The following GMPS variants were observed in gnomAD, a reference collection of about 807,000 sequenced individuals.
GMPS encodes guanosine monophosphate synthase, also known as GMP synthase [glutamine-hydrolyzing].
In GMPS, 15 loss-of-function variants were observed where a neutral mutation model predicts 77.9. The ratio of observed to expected loss-of-function variants is 0.19; its 90% CI spans 0.13 to 0.30. GMPS has a LOEUF of 0.30. Among genes scored for constraint, GMPS ranks in the 10% least tolerant of loss-of-function variants. The pLI is 1.00. For synonymous variants in GMPS, 224 were observed against 275.9 expected, an observed-to-expected ratio of 0.81 and a Z score of 1.86; for missense variants, 590 against 838.8, an observed-to-expected ratio of 0.70 and a Z score of 3.66.
At chr3:155,870,622 G>A (rs1364644284), upstream of GMPS, 2 of 455,664 alleles carry the variant, frequency 4.4e-6, no homozygotes, top group South Asian at 6.5e-5. Context: ...CCCAGTGGCC[G>A]GCCGGGGCGG....
At position 155,937,802 on chromosome 3, in the gene GMPS, A is replaced by G; in HGVS notation, c.*110A>G. 1.6e-6 allele frequency: 1 copy of G among 629,560 alleles called. No homozygotes were observed. Among genetic ancestry groups the G allele is most frequent in the Middle Eastern group, 2.5e-4 (1 of 3,924 alleles). The allele number at this position is 629,560 out of a possible 1,614,324, so 39.0% of individuals were successfully genotyped here. On this transcript the variant is annotated 3_prime_UTR_variant, in exon 16 of 16. Transcript: ENST00000496455. ...AGAGTTACTGGAGCAGCTACATCACATCTGAGTTCTCCACAGCAAAAATCT... is the reference window on the plus strand; with the variant it reads ...AGAGTTACTGGAGCAGCTACATCACGTCTGAGTTCTCCACAGCAAAAATCT...
chr3:155,933,297 G>A (rs1488434486), intron 13 of GMPS, among the ~76,000 whole-genome samples: 1 of 152,086 alleles, frequency 6.6e-6, no homozygotes, highest in Non-Finnish European at 1.5e-5. Context: ...CTGTTTGCCG[G>A]TTTTTTTCCT....
chr3:155,891,746 A>G (rs1430686255), intron 1 of GMPS, among the ~76,000 whole-genome samples: 1 of 151,248 alleles, frequency 6.6e-6, no homozygotes, highest in Non-Finnish European at 1.5e-5. Flanking sequence ...AGCTGGGATT[A>G]TAGGTGCCCA....
chr3:155,927,535 T>C (rs1161396864), intron 12 of GMPS, among the ~76,000 whole-genome samples: 1 of 152,186 alleles, frequency 6.6e-6, no homozygotes, highest in Non-Finnish European at 1.5e-5. Context: ...CAAAATAAAA[T>C]TTTCTTTTGT....
intron 1 of GMPS, among the ~76,000 whole-genome samples, chr3:155,887,630 C>G (rs1016273871): frequency 2.6e-5 from 4 of 152,034 alleles, no homozygotes; most frequent in Non-Finnish European, 4.4e-5. Context: ...ACCATAAACA[C>G]CTTGTTTTTG....
At chr3:155,890,870 T>G (rs893401811) in intron 1 of GMPS, among the ~76,000 whole-genome samples, 3 of 152,228 alleles carry the variant, frequency 2.0e-5, no homozygotes, top group African/African-American at 7.2e-5. Flanking sequence ...ATTATCACTT[T>G]TCATTTCTTT....
intron 1 of GMPS, 89 bp downstream of exon 1, chr3:155,870,986 C>G (rs1037528142): frequency 1.1e-5 from 13 of 1,228,750 alleles, no homozygotes; most frequent in East Asian, 9.5e-5. Flanking sequence ...TTCCCCACCC[C>G]CTTCCCCCAG....
chr3:155,902,404 C>G (rs1307488361), intron 3 of GMPS, among the ~76,000 whole-genome samples: 1 of 152,054 alleles, frequency 6.6e-6, no homozygotes, highest in Non-Finnish European at 1.5e-5. Context: ...GACCTGCAAG[C>G]AAAGAATGAT....
At chr3:155,883,221 G>T (rs985966872) in intron 1 of GMPS, among the ~76,000 whole-genome samples, 1 of 151,978 alleles carries the variant, frequency 6.6e-6, no homozygotes, top group African/African-American at 2.4e-5. Context: ...GTAGGTGTGC[G>T]CCACCACGCC....
At chr3:155,900,566 C>T (rs183234721) in intron 3 of GMPS, among the ~76,000 whole-genome samples, 20 of 152,092 alleles carry the variant, frequency 1.3e-4, no homozygotes, top group Non-Finnish European at 2.4e-4. Context: ...TAGTGAAATA[C>T]GTCTGAAAAA....
chr3:155,918,114 A>G (rs1178680896), intron 9 of GMPS, among the ~76,000 whole-genome samples: 1 of 151,772 alleles, frequency 6.6e-6, no homozygotes, highest in Non-Finnish European at 1.5e-5. Context: ...ACAATTTGTT[A>G]TTTTCTATTT....
intron 1 of GMPS, among the ~76,000 whole-genome samples, chr3:155,886,850 C>T (rs1031106430): frequency 3.3e-5 from 5 of 152,008 alleles, no homozygotes; most frequent in African/African-American, 1.2e-4. Flanking sequence ...TCCCTTGAAG[C>T]CTTGGGATGT....
At position 155,942,850 on chromosome 3, in the gene GMPS, A is replaced by T. The variant is rs1755926305; in HGVS notation, c.*5158A>T. On this transcript the variant is annotated 3_prime_UTR_variant, in exon 16 of 16. Transcript: ENST00000496455. ...ACATAAATCCTGTCATTTGGGTATT[A>T]TTCTTTAGAGAACTAGAGATTACCT... 4.7e-6 allele frequency: 1 copy of T among 211,604 alleles called. No homozygotes were observed. Among genetic ancestry groups the T allele is most frequent in the Non-Finnish European group, 9.6e-6 (1 of 104,552 alleles). 13.1% of individuals were successfully genotyped at this position (211,604 alleles called of 1,614,324 possible).
intron 1 of GMPS, among the ~76,000 whole-genome samples, chr3:155,892,914 G>A (rs1484037221): frequency 3.9e-5 from 6 of 152,350 alleles, no homozygotes; most frequent in Middle Eastern, 3.4e-3. Flanking sequence ...TTACAGGCGT[G>A]AGCCACCGCG....
Position 155,930,122 on chromosome 3 carries a change from A to G in GMPS, c.1561-1643A>G, listed in dbSNP as rs1001811298. ...TGACTTCAAACTATACTACAACGCTACAGTAACCAAAACAGCATGGTACTG... is the reference window on the plus strand; with the variant it reads ...TGACTTCAAACTATACTACAACGCTGCAGTAACCAAAACAGCATGGTACTG... On this transcript the variant is annotated intron_variant, in intron 12 of 15. Coordinates refer to ENST00000496455, the MANE Select transcript of GMPS (RefSeq NM_003875.3). 1.7e-4 allele frequency among the ~76,000 whole-genome samples: 25 copies of G among 145,726 alleles called. 1 individual carries two copies. The highest frequency in any genetic ancestry group is 5.0e-4 in the African/African-American group (20 of 40,022).
chr3:155,916,225 G>C, intron 9 of GMPS, 33 bp downstream of exon 9: 2 of 1,405,882 alleles, frequency 1.4e-6, no homozygotes, highest in Non-Finnish European at 2.0e-6. Flanking sequence ...TCATAAAGTA[G>C]ATACATGGAA....
chr3:155,904,614 A>G (rs1189418301), intron 4 of GMPS, among the ~76,000 whole-genome samples: 2 of 152,106 alleles, frequency 1.3e-5, no homozygotes, highest in African/African-American at 4.8e-5. Context: ...TCAAAGGAAG[A>G]TTAATAAAAA....
At chr3:155,892,564 C>T (rs1754497552) in intron 1 of GMPS, among the ~76,000 whole-genome samples, 1 of 152,146 alleles carries the variant, frequency 6.6e-6, no homozygotes, top group Admixed American at 6.5e-5. Context: ...TGACATTTTG[C>T]CAAATTAACC....
chr3:155,898,818 G>A (rs1253926183), intron 3 of GMPS, among the ~76,000 whole-genome samples: 4 of 152,294 alleles, frequency 2.6e-5, no homozygotes, highest in South Asian at 2.1e-4. Flanking sequence ...GGAGGCACAC[G>A]GTGTGGATTT....
Sources: allele counts gnomAD v4.1 joint callset (sites outside exome capture counted in the v4.1 genomes callset), GRCh38; gene constraint gnomAD v4.1.1; transcripts MANE v1.5; gene names NCBI Gene and HGNC (gene_info 2026-07-23, HGNC 2026-07-21).